CACNB2: variants seen among roughly 807,000 people sequenced by gnomAD.
The protein encoded by CACNB2 is calcium voltage-gated channel auxiliary subunit beta 2, also known as voltage-dependent L-type calcium channel subunit beta-2.
CACNB2 carries 42 observed loss-of-function variants against 73.3 expected under a neutral mutation model. The ratio of observed to expected loss-of-function variants is 0.57; its 90% confidence interval spans 0.45 to 0.74. CACNB2 has a LOEUF of 0.74. Among genes scored for constraint, CACNB2 ranks in the 30% least tolerant of loss-of-function variants. CACNB2 has a pLI of 0.00. For synonymous variants in CACNB2, 348 were observed against 310.3 expected, an observed-to-expected ratio of 1.12 and a Z score of -1.28; for missense variants, 940 against 853.0, an observed-to-expected ratio of 1.10 and a Z score of -1.27.
chr10:18,363,328 C>T (rs150347960), intron 2 of CACNB2, among the ~76,000 whole-genome samples: 2 of 152,266 alleles, frequency 1.3e-5, no homozygotes, highest in East Asian at 1.9e-4. Flanking sequence ...GGTTTCTGTA[C>T]AAGCACCAAG....
At chr10:18,391,057 G>T (rs1159979979) in intron 2 of CACNB2, among the ~76,000 whole-genome samples, 1 of 152,162 alleles carries the variant, frequency 6.6e-6, no homozygotes, top group Non-Finnish European at 1.5e-5. Context: ...TAGATTCACT[G>T]GAAAAAGGAT....
At position 18,452,551 on chromosome 10, in the gene CACNB2, T is replaced by A. The variant is rs143001627; in HGVS notation, c.334-45804T>A. ...GTTATCAAGGTTGACCTTTTTTAAT[T>A]TAATATTTTAAAGTCAGGGTCTTGC... is the stretch of plus-strand genomic sequence containing the variant. On this transcript the variant is annotated intron_variant, in intron 3 of 13. Transcript: ENST00000324631. 1.3e-3 allele frequency among the ~76,000 whole-genome samples: 192 copies of A among 152,306 alleles called. 3 individuals carry two copies. The highest frequency in any genetic ancestry group is 4.4e-3 in the African/African-American group (183 of 41,558).
At chr10:18,522,113 T>C (rs1308634132) in intron 9 of CACNB2, among the ~76,000 whole-genome samples, 2 of 152,062 alleles carry the variant, frequency 1.3e-5, no homozygotes, top group African/African-American at 4.8e-5. Context: ...ATGCGAGGGA[T>C]CTAGGTTACA....
At chr10:18,188,646 G>A (rs2034259812) in intron 2 of CACNB2, among the ~76,000 whole-genome samples, 1 of 152,082 alleles carries the variant, frequency 6.6e-6, no homozygotes, top group Non-Finnish European at 1.5e-5. Flanking sequence ...TATGAAAATA[G>A]TATATGCTTA....
At chr10:18,514,640 C>A in intron 7 of CACNB2, 1 of 1,311,396 alleles carries the variant, frequency 7.6e-7, no homozygotes, top group Non-Finnish European at 1.1e-6. Flanking sequence ...AAGAACCTAT[C>A]AACAGCTAAT....
intron 2 of CACNB2, among the ~76,000 whole-genome samples, chr10:18,180,992 A>C (rs1267553232): frequency 1.3e-5 from 2 of 151,862 alleles, no homozygotes; most frequent in African/African-American, 4.8e-5. Context: ...CAAAACAAAA[A>C]AAGAAATATA....
intron 2 of CACNB2, among the ~76,000 whole-genome samples, chr10:18,177,427 C>T (rs1161204054): frequency 1.3e-5 from 2 of 148,952 alleles, no homozygotes; most frequent in Admixed American, 6.8e-5. Flanking sequence ...TGAGACCAGC[C>T]TGGCCAACGT....
intron 4 of CACNB2, chr10:18,498,788 A>C (rs549142124): frequency 6.7e-5 from 22 of 329,282 alleles, no homozygotes; most frequent in Non-Finnish European, 1.2e-4. Flanking sequence ...TTTCACCTTG[A>C]CTAGGTGTAG....
intron 11 of CACNB2, among the ~76,000 whole-genome samples, chr10:18,535,259 T>A (rs185657862): frequency 6.6e-6 from 1 of 152,112 alleles, no homozygotes; most frequent in Non-Finnish European, 1.5e-5. Context: ...GGAACCACCA[T>A]TTGTTGAGTT....
At chr10:18,234,917 G>A (rs940812412) in intron 2 of CACNB2, among the ~76,000 whole-genome samples, 1 of 152,118 alleles carries the variant, frequency 6.6e-6, no homozygotes, top group African/African-American at 2.4e-5. Flanking sequence ...GCTGAGGCGG[G>A]CAGATCACGA....
At chr10:18,516,340 G>A (rs189515038) in intron 7 of CACNB2, among the ~76,000 whole-genome samples, 1 of 152,302 alleles carries the variant, frequency 6.6e-6, no homozygotes, top group East Asian at 1.9e-4. Flanking sequence ...AATTTCTGTA[G>A]CTACCCTATT....
chr10:18,355,403 A>T (rs2041867248), intron 2 of CACNB2, among the ~76,000 whole-genome samples: 1 of 150,368 alleles, frequency 6.7e-6, no homozygotes. Context: ...TAAAAATGGG[A>T]CTTCTATATG....
chr10:18,363,732 G>C (rs1444824048), intron 2 of CACNB2, among the ~76,000 whole-genome samples: 1 of 151,762 alleles, frequency 6.6e-6, no homozygotes, highest in Non-Finnish European at 1.5e-5. Context: ...CATTATAGCT[G>C]TGTGACACTT....
chr10:18,485,187 C>G (rs189747484), intron 3 of CACNB2, among the ~76,000 whole-genome samples: 151 of 152,072 alleles, frequency 9.9e-4, no homozygotes, highest in African/African-American at 3.4e-3. Context: ...GGAACTTTTG[C>G]CCATATATAA....
intron 2 of CACNB2, among the ~76,000 whole-genome samples, chr10:18,186,323 GC>G (rs2034149688): frequency 6.6e-6 from 1 of 152,042 alleles, no homozygotes; most frequent in African/African-American, 2.4e-5. Context: ...GGAGGCTGAG[GC>G]AAGAGAATTG....
At chr10:18,213,173 G>C (rs1048632833) in intron 2 of CACNB2, among the ~76,000 whole-genome samples, 5 of 152,146 alleles carry the variant, frequency 3.3e-5, no homozygotes, top group African/African-American at 9.7e-5. Context: ...CTGATACAGA[G>C]GAGGCCCCTG....
chr10:18,278,640 T>C (rs1169172338), intron 2 of CACNB2, among the ~76,000 whole-genome samples: 3 of 152,202 alleles, frequency 2.0e-5, no homozygotes, highest in Non-Finnish European at 4.4e-5. Flanking sequence ...GAAATGGAGA[T>C]AGAAAACGGC....
At chr10:18,235,575 G>C (rs2036410514) in intron 2 of CACNB2, among the ~76,000 whole-genome samples, 1 of 152,208 alleles carries the variant, frequency 6.6e-6, no homozygotes, top group South Asian at 2.1e-4. Context: ...GGGTCTGTTT[G>C]GTTAAATGAA....
At chr10:18,204,022 C>A (rs2034994043) in intron 2 of CACNB2, among the ~76,000 whole-genome samples, 1 of 151,908 alleles carries the variant, frequency 6.6e-6, no homozygotes, top group Non-Finnish European at 1.5e-5. Flanking sequence ...AATCAGATTG[C>A]AAAATGGCAA....
Sources: allele counts gnomAD v4.1 joint callset (sites outside exome capture counted in the v4.1 genomes callset), GRCh38; gene constraint gnomAD v4.1.1; transcripts MANE v1.5; gene names NCBI Gene and HGNC (gene_info 2026-07-23, HGNC 2026-07-21).